The following MAPKAPK3 variants were observed in gnomAD, a reference collection of about 807,000 sequenced individuals.
MAPKAPK3 encodes MAPK activated protein kinase 3.
In MAPKAPK3, 35 loss-of-function variants were observed where a neutral mutation model predicts 49.2. The observed-to-expected ratio is 0.71, with a 90% CI of 0.54 to 0.94. The LOEUF is 0.94. MAPKAPK3 is among the 40% of genes least tolerant of loss of function. The pLI, the probability that MAPKAPK3 is intolerant of heterozygous loss-of-function variation, is 0.00. For missense variants in MAPKAPK3, 398 were observed against 493.1 expected, an observed-to-expected ratio of 0.81 and a Z score of 1.83; for synonymous variants, 178 against 188.7, an observed-to-expected ratio of 0.94 and a Z score of 0.46.
chr3:50,625,487 G>A (rs977007471), intron 2 of MAPKAPK3, among the ~76,000 whole-genome samples: 1 of 152,186 alleles, frequency 6.6e-6, no homozygotes, highest in East Asian at 1.9e-4. Context: ...TGGAGGTTTG[G>A]CTTAGAGCAG....
intron 2 of MAPKAPK3, among the ~76,000 whole-genome samples, chr3:50,619,027 C>G (rs1413410943): frequency 6.6e-6 from 1 of 152,198 alleles, no homozygotes; most frequent in African/African-American, 2.4e-5. Flanking sequence ...GTGCAGAGTC[C>G]TCTAGATATG....
intron 2 of MAPKAPK3, among the ~76,000 whole-genome samples, chr3:50,618,984 C>T (rs148630472): frequency 8.6e-4 from 131 of 152,328 alleles, no homozygotes; most frequent in African/African-American, 3.0e-3. Context: ...CCACCGTGCC[C>T]GGCCTTTACA....
At chr3:50,634,968 T>G (rs1310014747) in intron 2 of MAPKAPK3, among the ~76,000 whole-genome samples, 1 of 152,212 alleles carries the variant, frequency 6.6e-6, no homozygotes, top group Non-Finnish European at 1.5e-5. Flanking sequence ...AAGGAACGCC[T>G]GTCTAGAAGT....
upstream of MAPKAPK3, chr3:50,617,103 A>AGGGGG (rs1190798096): frequency 3.0e-4 from 2 of 6,676 alleles, no homozygotes; most frequent in Admixed American, 6.5e-4. Flanking sequence ...GGAGTGGGGG[A>AGGGGG]GGGGGGGGTG....
intron 2 of MAPKAPK3, among the ~76,000 whole-genome samples, chr3:50,620,722 G>C (rs1200948065): frequency 6.6e-6 from 1 of 152,166 alleles, no homozygotes; most frequent in Non-Finnish European, 1.5e-5. Flanking sequence ...TCCCTCCCAA[G>C]GCTACCTTCT....
intron 2 of MAPKAPK3, among the ~76,000 whole-genome samples, chr3:50,623,093 C>T (rs1175885110): frequency 6.6e-6 from 1 of 152,216 alleles, no homozygotes; most frequent in East Asian, 1.9e-4. Context: ...ATCCCCTCAC[C>T]TACCATCTCC....
intron 2 of MAPKAPK3, among the ~76,000 whole-genome samples, chr3:50,631,868 A>G (rs2032922940): frequency 6.6e-6 from 1 of 152,234 alleles, no homozygotes; most frequent in Non-Finnish European, 1.5e-5. Flanking sequence ...GAGCACGTGC[A>G]CTGAGATTTA....
intron 2 of MAPKAPK3, among the ~76,000 whole-genome samples, chr3:50,633,441 C>A (rs982484867): frequency 6.6e-6 from 1 of 152,050 alleles, no homozygotes; most frequent in African/African-American, 2.4e-5. Context: ...CACACACACA[C>A]ACCCACATGC....
upstream of MAPKAPK3, among the ~76,000 whole-genome samples, chr3:50,614,545 G>T: frequency 6.9e-6 from 1 of 145,632 alleles, no homozygotes. Flanking sequence ...GTGTGTGTAG[G>T]ATTTAGCCCC....
chr3:50,618,573 A>C (rs1273161810), intron 2 of MAPKAPK3, among the ~76,000 whole-genome samples: 1 of 152,180 alleles, frequency 6.6e-6, no homozygotes, highest in Non-Finnish European at 1.5e-5. Context: ...GAATCCCTTG[A>C]ATCTGTCATC....
upstream of MAPKAPK3, among the ~76,000 whole-genome samples, chr3:50,615,435 G>GTT (rs2032443661): frequency 3.9e-5 from 6 of 152,228 alleles, no homozygotes; most frequent in South Asian, 4.1e-4. Context: ...GTACATGTGT[G>GTT]AGAGTATGTT....
rs1285119785 is a variant in MAPKAPK3, at chr3:50,648,433, G to C, written c.*387G>C. The stretch of plus-strand genomic sequence containing the variant: ...CATCTCCCTGTGGGATGGGCAGATG[G>C]GCCTGGCCTTGAGAAAGGCATTGGC... On this transcript the variant is annotated 3_prime_UTR_variant, in exon 11 of 11. Transcript: ENST00000621469. The C allele has an allele frequency of 5.9e-6, 1 of 168,228 alleles. No homozygotes were observed. Among genetic ancestry groups the C allele is most frequent in the Non-Finnish European group, 1.3e-5 (1 of 77,950 alleles). 10.4% of individuals were successfully genotyped at this position (168,228 alleles called of 1,614,324 possible).
chr3:50,633,688 C>G (rs2032968937), intron 2 of MAPKAPK3, among the ~76,000 whole-genome samples: 1 of 152,234 alleles, frequency 6.6e-6, no homozygotes, highest in East Asian at 1.9e-4. Context: ...AGGGCAATGA[C>G]TTCATCCTCC....
Position 50,648,226 on chromosome 3 carries a change from C to A in MAPKAPK3, c.*180C>A. The A allele has an allele frequency of 1.5e-6, 1 of 648,624 alleles. No homozygotes were observed. The highest frequency in any genetic ancestry group is 2.6e-6 in the Non-Finnish European group (1 of 388,110). The allele number at this position is 648,624 out of a possible 1,614,324, so 40.2% of individuals were successfully genotyped here. A position where few individuals can be genotyped will look rare whatever the true frequency, so the allele number is the denominator to read the frequency against. On this transcript the variant is annotated 3_prime_UTR_variant, in exon 11 of 11. Transcript: ENST00000621469. ...CTGACCCTAAACCTCCTTCAGATCT[C>A]TGGCCCAGGCTCAAGCCCTAGAGAT...
Position 50,645,805 on chromosome 3 carries a change from C to G in MAPKAPK3, c.704+20C>G. On this transcript the variant is annotated intron_variant, in intron 7 of 10. Coordinates refer to ENST00000621469, the MANE Select transcript of MAPKAPK3 (RefSeq NM_001243925.2). ...CATCCTGTGAGTACCTTCCCCACCC[C>G]CTGCCTCCATCTCCTGCCCTTACCC... is the stretch of plus-strand genomic sequence containing the variant. The G allele has an allele frequency of 6.2e-7, 1 of 1,611,594 alleles. No individual in the cohort carries two copies. Among genetic ancestry groups the G allele is most frequent in the Non-Finnish European group, 8.5e-7 (1 of 1,177,778 alleles).
intron 3 of MAPKAPK3, among the ~76,000 whole-genome samples, chr3:50,641,205 G>A (rs1374911529): frequency 6.6e-6 from 1 of 152,174 alleles, no homozygotes; most frequent in Non-Finnish European, 1.5e-5. Context: ...GCATGACTAT[G>A]GGGTTGGTGC....
At chr3:50,615,564 C>A (rs148109483), upstream of MAPKAPK3, among the ~76,000 whole-genome samples, 2 of 152,318 alleles carry the variant, frequency 1.3e-5, no homozygotes, top group East Asian at 3.9e-4. Flanking sequence ...GTCATGACAG[C>A]TGCTGACCTC....
Position 50,647,144 on chromosome 3 carries a change from A to G in MAPKAPK3, c.937A>G (p.Thr313Ala). 6.3e-7 allele frequency: 1 copy of G among 1,592,074 alleles called. No homozygotes were observed. Among genetic ancestry groups the G allele is most frequent in the Non-Finnish European group, 8.6e-7 (1 of 1,169,168 alleles). ...CCAGCAATCGATGGTAGTGCCACAGACCCCACTCCACACGGCCCGAGTGCT... is the reference window on the plus strand; with the variant it reads ...CCAGCAATCGATGGTAGTGCCACAGGCCCCACTCCACACGGCCCGAGTGCT... Reference protein sequence around the residue: ...WINQSMVVPQTPLHTARVLQE... With the variant: ...WINQSMVVPQAPLHTARVLQE... The change falls in exon 10 of 11, where the codon ACC becomes GCC. Residue 313 changes from threonine (T) to alanine (A), a missense_variant. Coordinates refer to ENST00000621469, the MANE Select transcript of MAPKAPK3 (RefSeq NM_001243925.2).
intron 6 of MAPKAPK3, among the ~76,000 whole-genome samples, chr3:50,645,110 TCC>T (rs1410904924): frequency 2.6e-5 from 4 of 152,122 alleles, no homozygotes; most frequent in Admixed American, 6.5e-5. Context: ...AGGGCTTTTC[TCC>T]CTCAGAAGAG....
Sources: gnomAD v4.1 joint callset for allele counts (sites outside exome capture counted in the v4.1 genomes callset) on GRCh38, gnomAD v4.1.1 for gene constraint, MANE v1.5 for transcripts, NCBI Gene and HGNC (gene_info 2026-07-23, HGNC 2026-07-21) for gene names.